The following HS3ST2 variants were observed in gnomAD, a reference collection of about 807,000 sequenced individuals.
HS3ST2 encodes the protein heparan sulfate-glucosamine 3-sulfotransferase 2, also known as heparan sulfate glucosamine 3-O-sulfotransferase 2.
HS3ST2 carries 17 observed loss-of-function variants against 26.3 expected under a neutral mutation model. That is an observed-to-expected ratio of 0.65 (90% CI 0.44 to 0.97). The LOEUF (loss-of-function observed/expected upper bound fraction) is 0.97, where lower values mean the gene tolerates loss of function less well. HS3ST2 is among the 50% of genes least tolerant of loss of function. HS3ST2 has a pLI of 0.00. For synonymous variants in HS3ST2, 237 were observed against 219.2 expected, an observed-to-expected ratio of 1.08 and a Z score of -0.72; for missense variants, 402 against 501.2, an observed-to-expected ratio of 0.80 and a Z score of 1.89.
At position 22,815,044 on chromosome 16, in the gene HS3ST2, C is replaced by T. The variant is rs774151257; in HGVS notation, c.434C>T (p.Thr145Met). Residue 145 changes from threonine (T) to methionine (M), a missense_variant, in exon 1 of 2, where the codon ACG becomes ATG. Physicochemically the swap from Thr to Met is moderately conservative, Grantham distance 81 (BLOSUM62 -1). This residue lies in a region of HS3ST2 where 237 missense variants were observed against 346.6 expected (regional missense o/e 0.68). Coordinates refer to ENST00000261374, the MANE Select transcript of HS3ST2 (RefSeq NM_006043.2). ...CACCCGGACGTGCGGGCCTTGGGCA[C>T]GGAACCCCACTTCTTTGACAGGAAC... ...RVHPDVRALG[T>M]EPHFFDRNYG... is the part of the protein sequence containing the mutation. The T allele has an allele frequency of 1.4e-5, 22 of 1,613,126 alleles. 1 individual carries two copies. In the South Asian group the frequency reaches 1.8e-4, roughly 13 times the overall value.
rs208950 is a variant in HS3ST2 at position 22,814,428 on chromosome 16, C to G, written c.-183C>G. The G allele has an allele frequency of 0.011, 5,352 of 508,938 alleles. 100 individuals carry two copies. Among genetic ancestry groups the G allele is most frequent in the Admixed American group, 0.051 (1,201 of 23,464 alleles). The allele number at this position is 508,938 out of a possible 1,614,324, so 31.5% of individuals were successfully genotyped here. ...CTGTTCCCCGAGGAGCCGCTGCCCCCGGGACCCCCTGGCACTGTGCGCACC... is the reference window on the plus strand; with the variant it reads ...CTGTTCCCCGAGGAGCCGCTGCCCCGGGGACCCCCTGGCACTGTGCGCACC... On this transcript the variant is annotated 5_prime_UTR_variant, in exon 1 of 2. Coordinates refer to ENST00000261374, the MANE Select transcript of HS3ST2 (RefSeq NM_006043.2).
intron 1 of HS3ST2, among the ~76,000 whole-genome samples, chr16:22,830,431 C>T (rs1368532007): frequency 6.6e-6 from 1 of 152,124 alleles, no homozygotes; most frequent in African/African-American, 2.4e-5. Flanking sequence ...TAAAGATCAG[C>T]CGGGAAGAAT....
At chr16:22,818,839 T>TTCCC (rs1900927258) in intron 1 of HS3ST2, among the ~76,000 whole-genome samples, 1 of 16,470 alleles carries the variant, frequency 6.1e-5, no homozygotes, top group Non-Finnish European at 1.1e-4. Flanking sequence ...CCTTCCCTCC[T>TTCCC]TCCTTCCTCC....
intron 1 of HS3ST2, among the ~76,000 whole-genome samples, chr16:22,880,522 C>T (rs1004427909): frequency 5.3e-5 from 8 of 152,160 alleles, no homozygotes; most frequent in Admixed American, 4.6e-4. Context: ...ATATATACAT[C>T]TGTTGTCTAT....
chr16:22,902,150 A>G (rs1209788139), intron 1 of HS3ST2, among the ~76,000 whole-genome samples: 1 of 152,202 alleles, frequency 6.6e-6, no homozygotes, highest in African/African-American at 2.4e-5. Flanking sequence ...CTGTTCTACA[A>G]CCTGCTTTTT....
chr16:22,895,073 T>TC (rs1902189894), intron 1 of HS3ST2, among the ~76,000 whole-genome samples: 1 of 141,540 alleles, frequency 7.1e-6, no homozygotes, highest in East Asian at 2.0e-4. Context: ...TTTCTTTCTT[T>TC]TTTTTTTTTT....
intron 1 of HS3ST2, among the ~76,000 whole-genome samples, chr16:22,849,742 A>G (rs1344805173): frequency 6.6e-6 from 1 of 152,158 alleles, no homozygotes; most frequent in Admixed American, 6.6e-5. Flanking sequence ...GACACAAACT[A>G]TACCATTGTG....
intron 1 of HS3ST2, among the ~76,000 whole-genome samples, chr16:22,858,717 CCTCT>C (rs1437529814): frequency 6.6e-6 from 1 of 152,078 alleles, no homozygotes; most frequent in East Asian, 1.9e-4. Flanking sequence ...CGTCTCTTGA[CCTCT>C]CTGAGTCTGT....
At chr16:22,840,768 T>C (rs1901339885) in intron 1 of HS3ST2, among the ~76,000 whole-genome samples, 1 of 152,164 alleles carries the variant, frequency 6.6e-6, no homozygotes. Context: ...TGTCAGTGGT[T>C]CTGGAGTAGG....
chr16:22,906,543 G>A (rs1902355422), intron 1 of HS3ST2, among the ~76,000 whole-genome samples: 1 of 152,184 alleles, frequency 6.6e-6, no homozygotes, highest in South Asian at 2.1e-4. Context: ...CCACAGGGCA[G>A]AGCCTTGGGC....
intron 1 of HS3ST2, among the ~76,000 whole-genome samples, chr16:22,872,070 G>A (rs571049374): frequency 9.9e-5 from 15 of 152,254 alleles, no homozygotes; most frequent in African/African-American, 2.6e-4. Context: ...GATACCCAAC[G>A]AGCCAATAGT....
At chr16:22,842,162 A>G (rs905019796) in intron 1 of HS3ST2, among the ~76,000 whole-genome samples, 1 of 150,108 alleles carries the variant, frequency 6.7e-6, no homozygotes, top group Non-Finnish European at 1.5e-5. Context: ...CCTGGGTCCA[A>G]GTGATTCTCC....
At chr16:22,898,640 A>G (rs117771646) in intron 1 of HS3ST2, among the ~76,000 whole-genome samples, 1 of 152,306 alleles carries the variant, frequency 6.6e-6, no homozygotes, top group East Asian at 1.9e-4. Context: ...TCCAGAACTG[A>G]CATGCAGAGC....
intron 1 of HS3ST2, among the ~76,000 whole-genome samples, chr16:22,883,656 T>G (rs1902022877): frequency 6.6e-6 from 1 of 152,246 alleles, no homozygotes; most frequent in African/African-American, 2.4e-5. Context: ...TACACTTCCC[T>G]TCGGTTGAGG....
chr16:22,881,608 A>T lies in HS3ST2; in HGVS notation c.486-33336A>T, dbSNP rs1473376989. ...GGAATGGGAACAAAGAGGTCAACAT[A>T]AGGGAAGATGACTCTCACGACAGAA... is the stretch of plus-strand genomic sequence containing the variant. On this transcript the variant is annotated intron_variant, in intron 1 of 1. Transcript: ENST00000261374. 3.3e-5 allele frequency among the ~76,000 whole-genome samples: 5 copies of T among 152,322 alleles called. No individual in the cohort carries two copies. In the East Asian group the frequency reaches 9.6e-4, roughly 29 times the overall value.
intron 1 of HS3ST2, among the ~76,000 whole-genome samples, chr16:22,905,546 A>T (rs1902341293): frequency 6.6e-6 from 1 of 152,136 alleles, no homozygotes; most frequent in Non-Finnish European, 1.5e-5. Context: ...CAGTACAAAC[A>T]ATATGATTCT....
At chr16:22,837,758 AAG>A (rs1299314740) in intron 1 of HS3ST2, among the ~76,000 whole-genome samples, 1 of 151,896 alleles carries the variant, frequency 6.6e-6, no homozygotes, top group African/African-American at 2.4e-5. Flanking sequence ...CTAATAAAAA[AAG>A]AACAATTATA....
At chr16:22,903,882 A>G (rs1388632114) in intron 1 of HS3ST2, among the ~76,000 whole-genome samples, 2 of 152,162 alleles carry the variant, frequency 1.3e-5, no homozygotes, top group Non-Finnish European at 2.9e-5. Flanking sequence ...TCACCATGTC[A>G]TTGAGGGGAC....
chr16:22,840,276 T>G (rs989869652), intron 1 of HS3ST2, among the ~76,000 whole-genome samples: 2 of 152,248 alleles, frequency 1.3e-5, no homozygotes, highest in African/African-American at 4.8e-5. Context: ...TGCCACATCA[T>G]TTCCTTCATA....
Sources: gnomAD v4.1 joint callset for allele counts (sites outside exome capture counted in the v4.1 genomes callset) on GRCh38, gnomAD v4.1.1 for gene constraint, gnomAD v4.1.1 regional missense constraint, MANE v1.5 for transcripts, NCBI Gene and HGNC (gene_info 2026-07-23, HGNC 2026-07-21) for gene names.